Variants in MROH2A observed in about 807,000 individuals in gnomAD.
MROH2A encodes the protein maestro heat like repeat family member 2A.
Under a neutral mutation model 200.4 loss-of-function variants are expected in MROH2A, and 174 were observed. The ratio of observed to expected loss-of-function variants is 0.87; its 90% CI spans 0.77 to 0.98. The LOEUF (loss-of-function observed/expected upper bound fraction) is 0.98. MROH2A is among the 50% of genes least tolerant of loss of function. The probability of loss-of-function intolerance (pLI) is 0.00; values close to 1 mark genes in which losing one functional copy is unlikely to be tolerated. For missense variants in MROH2A, 2,045 were observed against 2,139.6 expected, an observed-to-expected ratio of 0.96 and a Z score of 0.87; for synonymous variants, 829 against 840.4, an observed-to-expected ratio of 0.99 and a Z score of 0.23.
chr2:233,793,037 T>A, intron 6 of MROH2A, 143 bp downstream of exon 6: 2 of 833,942 alleles, frequency 2.4e-6, no homozygotes, highest in Non-Finnish European at 3.7e-6. Flanking sequence ...AATCTTTTAC[T>A]TCGTGTGGCC....
chr2:233,794,438 G>T lies in MROH2A; in HGVS notation c.898G>T (p.Val300Phe), dbSNP rs1354913035. The change falls in exon 8 of 42, where the codon GTC becomes TTC. Residue 300 changes from valine to phenylalanine, a missense_variant. Transcript: ENST00000389758. Reference protein sequence around the residue: ...LLPNDDLREQVYDYIPLLLAE... With the variant: ...LLPNDDLREQFYDYIPLLLAE... Reference sequence around the variant, plus strand: ...GCCCAACGATGACCTGCGGGAGCAGGTCTACGACTACATCCCCCTGCTGCT... The same window carrying T: ...GCCCAACGATGACCTGCGGGAGCAGTTCTACGACTACATCCCCCTGCTGCT... 2.6e-6 allele frequency: 4 copies of T among 1,549,972 alleles called. No individual in the cohort carries two copies. Among genetic ancestry groups the T allele is most frequent in the Non-Finnish European group, 8.7e-7 (1 of 1,146,622 alleles).
At position 233,796,324 on chromosome 2, in the gene MROH2A, CAGGGTGGGTGGGGTGGGCGGGG is replaced by C; in HGVS notation, c.1252+20_1252+41del. On this transcript the variant is annotated intron_variant, in intron 11 of 41. Coordinates refer to ENST00000389758, the MANE Select transcript of MROH2A (RefSeq NM_001394639.1). ...TAGTGAGCGCAGATGGTGAGCAAGG[CAGGGTGGGTGGGGTGGGCGGGG>C]AGGGTGGGGTAGGCAGGGTGGAGAA... 4.2e-5 allele frequency: 1 copy of C among 23,878 alleles called. No homozygotes were observed. The highest frequency in any genetic ancestry group is 4.0e-4 in the South Asian group (1 of 2,484). 1.5% of individuals were successfully genotyped at this position (23,878 alleles called of 1,614,324 possible).
chr2:233,794,738 G>A (rs1200876988), intron 8 of MROH2A, among the ~76,000 whole-genome samples: 1 of 152,192 alleles, frequency 6.6e-6, no homozygotes, highest in African/African-American at 2.4e-5. Context: ...GTCCCTCGGA[G>A]GCTGCAGTGA....
intron 31 of MROH2A, 110 bp from the exon 32 acceptor site, chr2:233,822,014 C>T (rs1553639968): frequency 7.6e-7 from 1 of 1,321,780 alleles, no homozygotes; most frequent in Non-Finnish European, 1.0e-6. Flanking sequence ...GAGATTCAGT[C>T]CCCAGAGTCC....
intron 3 of MROH2A, among the ~76,000 whole-genome samples, chr2:233,783,742 G>T (rs937464724): frequency 6.6e-6 from 1 of 152,028 alleles, no homozygotes; most frequent in Non-Finnish European, 1.5e-5. Context: ...GACGGGCCAT[G>T]TTGGCCAGGC....
chr2:233,792,724 G>A, intron 5 of MROH2A, 72 bp from the exon 6 acceptor site: 7 of 952,822 alleles, frequency 7.3e-6, no homozygotes, highest in Non-Finnish European at 1.1e-5. Flanking sequence ...GGGCAGCAGG[G>A]TTGTCCTCTC....
chr2:233,806,321 G>A (rs1004099743), intron 19 of MROH2A, among the ~76,000 whole-genome samples: 13 of 152,046 alleles, frequency 8.6e-5, no homozygotes, highest in Non-Finnish European at 1.8e-4. Flanking sequence ...AACATTTTTT[G>A]TGTGCTTCTA....
In MROH2A at chr2:233,794,477, G is replaced by C. The variant is rs1253702078; in HGVS notation, c.937G>C (p.Gly313Arg). ...YIPLLLAEYQ[G>R]SLEVLFVTQV... The stretch of plus-strand genomic sequence containing the variant: ...CCCCCTGCTGCTGGCGGAGTACCAG[G>C]GCAGTCTGGAGGTGCTCTTCGTCAC... Residue 313 changes from glycine to arginine, a missense_variant, in exon 8 of 42, where the codon GGC becomes CGC. Transcript: ENST00000389758. 6.5e-7 allele frequency: 1 copy of C among 1,549,086 alleles called. No homozygotes were observed. The highest frequency in any genetic ancestry group is 1.4e-5 in the African/African-American group (1 of 73,014).
chr2:233,814,342 G>C (rs746589348), intron 25 of MROH2A, among the ~76,000 whole-genome samples: 1 of 152,234 alleles, frequency 6.6e-6, no homozygotes, highest in Admixed American at 6.5e-5. Context: ...TGCCTCCAGG[G>C]CTTGGCCCTG....
At chr2:233,800,072 T>C in intron 13 of MROH2A, 133 bp from the exon 14 acceptor site, 2 of 1,095,342 alleles carry the variant, frequency 1.8e-6, no homozygotes, top group South Asian at 1.6e-5. Flanking sequence ...GTCCTAGATA[T>C]ATGCACAGCT....
In MROH2A at chr2:233,833,403, C is replaced by A; in HGVS notation, c.*144C>A. 1.0e-6 allele frequency: 1 copy of A among 958,104 alleles called. No individual in the cohort carries two copies. Among genetic ancestry groups the A allele is most frequent in the Non-Finnish European group, 1.5e-6 (1 of 682,862 alleles). 59.4% of individuals were successfully genotyped at this position (958,104 alleles called of 1,614,324 possible). A position where few individuals can be genotyped will look rare whatever the true frequency, so the allele number is the denominator to read the frequency against. ...TTTGTTTCCTTCCGTTGAAATAAAC[C>A]TCCACTGTCGTTGGAGTAGACTTGT... On this transcript the variant is annotated 3_prime_UTR_variant, in exon 42 of 42. Transcript: ENST00000389758.
chr2:233,777,070 G>T (rs149352184), upstream of MROH2A, among the ~76,000 whole-genome samples: 26 of 152,312 alleles, frequency 1.7e-4, no homozygotes, highest in East Asian at 3.9e-3. Context: ...TGCTTGGCTG[G>T]ACAGAGCACA....
At chr2:233,830,775 C>T (rs1169695510) in intron 38 of MROH2A, among the ~76,000 whole-genome samples, 1 of 152,224 alleles carries the variant, frequency 6.6e-6, no homozygotes, top group East Asian at 1.9e-4. Context: ...TCTGCCACAC[C>T]ATCCCTGGCC....
chr2:233,782,960 T>C (rs1251865056), intron 3 of MROH2A, among the ~76,000 whole-genome samples: 2 of 152,076 alleles, frequency 1.3e-5, no homozygotes, highest in Non-Finnish European at 2.9e-5. Flanking sequence ...TTTTTTAGCA[T>C]ATATTGAAAT....
chr2:233,814,583 C>A lies in MROH2A; in HGVS notation c.2762C>A (p.Thr921Asn). 1 of 1,549,948 alleles carries A rather than the reference C, an allele frequency of 6.5e-7. No homozygotes were observed. Among genetic ancestry groups the A allele is most frequent in the Non-Finnish European group, 8.7e-7 (1 of 1,146,584 alleles). The change falls in exon 26 of 42, where the codon ACC (threonine) becomes AAC (asparagine). Residue 921 changes from threonine to asparagine, a missense_variant and splice_region_variant. Physicochemically the swap from Thr to Asn is moderately conservative, Grantham distance 65. Transcript: ENST00000389758. ...LPGEDNESIK[T>N]LYANALSSLE... Reference sequence around the variant, plus strand: ...TCTCTCTCTCCCTCTTGGCTGTAGACCCTGTATGCAAATGCCCTGAGCTCC... The same window carrying A: ...TCTCTCTCTCCCTCTTGGCTGTAGAACCTGTATGCAAATGCCCTGAGCTCC...
upstream of MROH2A, among the ~76,000 whole-genome samples, chr2:233,776,003 C>T (rs1355625278): frequency 6.6e-6 from 1 of 152,192 alleles, no homozygotes; most frequent in Non-Finnish European, 1.5e-5. Context: ...GCTCCTCCTT[C>T]ACCTTCTGCC....
chr2:233,811,966 TG>T lies in MROH2A; in HGVS notation c.2651+10del. 1 of 1,543,658 alleles carries T rather than the reference TG, an allele frequency of 6.5e-7. No homozygotes were observed. Among genetic ancestry groups the T allele is most frequent in the South Asian group, 1.2e-5 (1 of 83,964 alleles). On this transcript the variant is annotated splice_region_variant and intron_variant, in intron 24 of 41. Transcript: ENST00000389758. ...AGGCCCTCTCGCACCTGAGGTGAGC[TG>T]GGTTCCCACCCTCACCCCATCCCAA...
intron 15 of MROH2A, 105 bp downstream of exon 15, chr2:233,802,420 C>A: frequency 7.7e-7 from 1 of 1,301,440 alleles, no homozygotes; most frequent in Non-Finnish European, 1.0e-6. Context: ...ATTCCCCCTT[C>A]TCCTGGAAAC....
chr2:233,827,372 C>T (rs1704386084), intron 35 of MROH2A, among the ~76,000 whole-genome samples: 1 of 152,110 alleles, frequency 6.6e-6, no homozygotes, highest in South Asian at 2.1e-4. Flanking sequence ...ACATATACAC[C>T]ATGGAATACT....
Sources: gnomAD v4.1 joint callset for allele counts (sites outside exome capture counted in the v4.1 genomes callset) on GRCh38, gnomAD v4.1.1 for gene constraint, MANE v1.5 for transcripts, NCBI Gene and HGNC (gene_info 2026-07-23, HGNC 2026-07-21) for gene names.